Variants in CMPK1 observed in about 807,000 individuals in gnomAD.
The protein encoded by CMPK1 is UMP-CMP kinase.
Under a neutral mutation model 25.7 loss-of-function variants are expected in CMPK1, and 10 were observed. The observed-to-expected ratio is 0.39, with a 90% CI of 0.24 to 0.66. The LOEUF (loss-of-function observed/expected upper bound fraction) is 0.66, where lower values mean the gene tolerates loss of function less well. CMPK1 is among the 30% of genes least tolerant of loss of function. The probability of loss-of-function intolerance (pLI) is 0.48; values close to 1 mark genes in which losing one functional copy is unlikely to be tolerated. For missense variants in CMPK1, 199 were observed against 280.5 expected, an observed-to-expected ratio of 0.71 and a Z score of 2.08; for synonymous variants, 106 against 101.5, an observed-to-expected ratio of 1.04 and a Z score of -0.27.
chr1:47,369,175 T>G (rs1646659812), intron 2 of CMPK1, among the ~76,000 whole-genome samples: 1 of 151,938 alleles, frequency 6.6e-6, no homozygotes, highest in Non-Finnish European at 1.5e-5. Context: ...AGCTAATTTT[T>G]TTCTATTTTT....
intron 1 of CMPK1, among the ~76,000 whole-genome samples, chr1:47,361,443 G>C (rs776617827): frequency 1.3e-5 from 2 of 152,110 alleles, no homozygotes; most frequent in Non-Finnish European, 2.9e-5. Flanking sequence ...GGTCAAAGGC[G>C]AACTATAGGA....
intron 1 of CMPK1, among the ~76,000 whole-genome samples, chr1:47,337,487 TTAA>T (rs1251639384): frequency 2.0e-5 from 3 of 152,208 alleles, no homozygotes; most frequent in African/African-American, 7.2e-5. Context: ...GTTATCTTCT[TTAA>T]TGAAAAGTAT....
rs1278549724 is a variant in CMPK1 at position 47,365,436 on chromosome 1, C to T, written c.172-3033C>T. ...ATTGCTTGAGCCCAGGAGTTTGAGA[C>T]CAGCCTGGGTAACATGGCAAAACCC... On this transcript the variant is annotated intron_variant, in intron 1 of 5. Transcript: ENST00000371873. 5.3e-5 allele frequency among the ~76,000 whole-genome samples: 8 copies of T among 151,912 alleles called. No individual in the cohort carries two copies. The South Asian group carries it at 8.3e-4, about 16-fold the overall frequency.
chr1:47,376,461 G>C (rs1435269893), intron 5 of CMPK1, among the ~76,000 whole-genome samples: 2 of 151,968 alleles, frequency 1.3e-5, no homozygotes, highest in Non-Finnish European at 2.9e-5. Context: ...GATTACAGGT[G>C]CCCGCCACCA....
chr1:47,351,746 T>A (rs749229830), intron 1 of CMPK1, among the ~76,000 whole-genome samples: 1 of 152,050 alleles, frequency 6.6e-6, no homozygotes, highest in African/African-American at 2.4e-5. Context: ...CCAATGTTTA[T>A]TTTTTTTGTT....
rs1054990186 is a variant in CMPK1, at chr1:47,333,879, T to TCCCCG, written c.-55_-51dup. The TCCCCG allele has an allele frequency of 1.9e-5, 21 of 1,102,534 alleles. No homozygotes were observed. The highest frequency in any genetic ancestry group is 1.8e-4 in the East Asian group (4 of 22,558). The allele number at this position is 1,102,534 out of a possible 1,614,324, so 68.3% of individuals were successfully genotyped here. On this transcript the variant is annotated 5_prime_UTR_variant, in exon 1 of 6. Transcript: ENST00000371873. ...CAGCCCGCCCCTTTCTCCCGCCGCC[T>TCCCCG]CCCCGCCCCGCCCCGCGCCGCGCCG...
intron 1 of CMPK1, among the ~76,000 whole-genome samples, chr1:47,363,899 C>T (rs1384931438): frequency 9.2e-5 from 14 of 151,596 alleles, no homozygotes; most frequent in South Asian, 2.1e-4. Context: ...GCCAGGATTG[C>T]GCCACTGCAC....
intron 1 of CMPK1, among the ~76,000 whole-genome samples, chr1:47,355,542 T>C (rs1448976260): frequency 4.6e-5 from 7 of 151,680 alleles, no homozygotes; most frequent in East Asian, 3.9e-4. Context: ...CTGAAACTCC[T>C]GACCTCGTAA....
chr1:47,355,160 C>T (rs1557807945), intron 1 of CMPK1, among the ~76,000 whole-genome samples: 1 of 151,984 alleles, frequency 6.6e-6, no homozygotes, highest in Non-Finnish European at 1.5e-5. Context: ...AATTCTCCCG[C>T]CTCAGCCTCC....
intron 2 of CMPK1, among the ~76,000 whole-genome samples, chr1:47,369,668 T>A (rs1043669168): frequency 7.3e-5 from 11 of 151,276 alleles, no homozygotes; most frequent in Admixed American, 3.3e-4. Flanking sequence ...TTCAAGAGAT[T>A]CTCCTGTCTC....
In CMPK1 at chr1:47,359,204, C is replaced by G. The variant is rs1006878476; in HGVS notation, c.172-9265C>G. 6.6e-5 allele frequency among the ~76,000 whole-genome samples: 10 copies of G among 151,682 alleles called. 1 individual carries two copies. The highest frequency in any genetic ancestry group is 2.6e-4 in the Admixed American group (4 of 15,236). On this transcript the variant is annotated intron_variant, in intron 1 of 5. Coordinates refer to ENST00000371873, the MANE Select transcript of CMPK1 (RefSeq NM_016308.3). Reference sequence around the variant, plus strand: ...TGTTGGCGGGCGCCTGTAGTCCCAGCTACTCGGGAGGCTGAGGCAGGAGAA... The same window carrying G: ...TGTTGGCGGGCGCCTGTAGTCCCAGGTACTCGGGAGGCTGAGGCAGGAGAA...
intron 1 of CMPK1, among the ~76,000 whole-genome samples, chr1:47,336,502 T>C (rs1646400200): frequency 1.3e-5 from 2 of 152,172 alleles, no homozygotes; most frequent in South Asian, 2.1e-4. Flanking sequence ...ATTATATTGG[T>C]TATTTTTATT....
chr1:47,342,235 C>T lies in CMPK1; in HGVS notation c.171+8119C>T, dbSNP rs182989003. Among the ~76,000 whole-genome samples the T allele has an allele frequency of 5.8e-3, 886 of 152,140 alleles. 27 individuals carry two copies. The highest frequency in any genetic ancestry group is 0.042 in the Admixed American group (636 of 15,262). ...TAGCTGGGATTACAGGTGCCTGCCA[C>T]CACACCTGGCTAATTTTTGTATTTT... On this transcript the variant is annotated intron_variant, in intron 1 of 5. Transcript: ENST00000371873.
At chr1:47,343,612 T>G (rs1932200767) in intron 1 of CMPK1, among the ~76,000 whole-genome samples, 1 of 152,018 alleles carries the variant, frequency 6.6e-6, no homozygotes, top group African/African-American at 2.4e-5. Flanking sequence ...GTTGTTGAGT[T>G]GAGTCAGAAG....
intron 1 of CMPK1, among the ~76,000 whole-genome samples, chr1:47,353,778 G>T (rs1209940625): frequency 6.6e-6 from 1 of 152,066 alleles, no homozygotes; most frequent in Non-Finnish European, 1.5e-5. Flanking sequence ...GTGCAGTGGC[G>T]TGATCTTGGC....
At chr1:47,368,406 A>C in intron 1 of CMPK1, 63 bp from the exon 2 acceptor site, 1 of 1,369,018 alleles carries the variant, frequency 7.3e-7, no homozygotes, top group Non-Finnish European at 9.7e-7. Flanking sequence ...AAAGGAAAAA[A>C]AGTATAGTCC....
intron 1 of CMPK1, among the ~76,000 whole-genome samples, chr1:47,342,659 T>C (rs1239939649): frequency 1.4e-5 from 2 of 147,550 alleles, no homozygotes; most frequent in South Asian, 2.2e-4. Context: ...CTTTTTTTTT[T>C]TTTTTTTTGA....
At chr1:47,344,944 T>C (rs1646471735) in intron 1 of CMPK1, among the ~76,000 whole-genome samples, 1 of 152,166 alleles carries the variant, frequency 6.6e-6, no homozygotes, top group South Asian at 2.1e-4. Context: ...TTACAAGGAC[T>C]CTGGCTCTGT....
Position 47,366,973 on chromosome 1 carries a change from G to A in CMPK1, c.172-1496G>A, listed in dbSNP as rs191605554. ...ACTCCTGACCTCAGGTGATCCACCC[G>A]CCTTGGCCTCCCAAAGTGCTGGGAT... On this transcript the variant is annotated intron_variant, in intron 1 of 5. Coordinates refer to ENST00000371873, the MANE Select transcript of CMPK1 (RefSeq NM_016308.3). Among the ~76,000 whole-genome samples the A allele has an allele frequency of 3.3e-5, 5 of 152,168 alleles. No homozygotes were observed. The East Asian group carries it at 7.7e-4, about 23-fold the overall frequency.
Sources: allele counts gnomAD v4.1 joint callset (sites outside exome capture counted in the v4.1 genomes callset), GRCh38; gene constraint gnomAD v4.1.1; transcripts MANE v1.5; gene names NCBI Gene and HGNC (gene_info 2026-07-23, HGNC 2026-07-21).